The following SUSD2 variants were observed in gnomAD, a reference collection of about 807,000 sequenced individuals.
SUSD2 encodes the protein sushi domain-containing protein 2.
Under a neutral mutation model 93.8 loss-of-function variants are expected in SUSD2, and 86 were observed. The observed-to-expected ratio is 0.92, with a 90% CI of 0.77 to 1.10. The LOEUF (loss-of-function observed/expected upper bound fraction) is 1.10. Among genes scored for constraint, SUSD2 ranks in the 50% least tolerant of loss-of-function variants. The probability of loss-of-function intolerance (pLI) is 0.00; values close to 1 mark genes in which losing one functional copy is unlikely to be tolerated. For synonymous variants in SUSD2, 483 were observed against 485.0 expected, an observed-to-expected ratio of 1.00 and a Z score of 0.05; for missense variants, 1,060 against 1,137.0, an observed-to-expected ratio of 0.93 and a Z score of 0.97.
In SUSD2 at chr22:24,183,557, C is replaced by T; in HGVS notation, c.350C>T (p.Ser117Leu). The T allele has an allele frequency of 6.2e-7, 1 of 1,613,490 alleles. No individual in the cohort carries two copies. The highest frequency in any genetic ancestry group is 1.1e-5 in the South Asian group (1 of 91,090). The change falls in exon 3 of 15, where the codon TCA (serine) becomes TTA (leucine). Residue 117 changes from serine to leucine, a missense_variant. By Grantham distance (145) the Ser-to-Leu change is moderately radical. Around this residue, in one of 2 missense-constraint regions of SUSD2, gnomAD observed 973 missense variants for 1,005.3 expected, o/e 0.97. Transcript: ENST00000358321. ...TCCTCCGGGCAAGTGCACTGTGTGT[C>T]ACCTCTGCTCTATGAGAGCGGCCGC... ...VDSSGQVHCV[S>L]PLLYESGRIP...
Position 24,188,658 on chromosome 22 carries a change from C to T in SUSD2, c.*222C>T, listed in dbSNP as rs979941400. 7 of 557,120 alleles carry T rather than the reference C, an allele frequency of 1.3e-5. No individual in the cohort carries two copies. In the Admixed American group the frequency reaches 1.6e-4, roughly 12 times the overall value. The allele number at this position is 557,120 out of a possible 1,614,324, so 34.5% of individuals were successfully genotyped here. ...CTCCGTGCTCTTCCCCAAATACTCACGGCTCTAATTCCCCAAACCTGAAAC... is the reference window on the plus strand; with the variant it reads ...CTCCGTGCTCTTCCCCAAATACTCATGGCTCTAATTCCCCAAACCTGAAAC... On this transcript the variant is annotated 3_prime_UTR_variant, in exon 15 of 15. Transcript: ENST00000358321. The surrounding 1 kb of genome is among the most constrained non-coding windows in gnomAD (Gnocchi z 4.7).
Position 24,189,041 on chromosome 22 carries a change from C to T in SUSD2, c.*605C>T, listed in dbSNP as rs1349492214. The T allele has an allele frequency of 6.6e-6, 1 of 152,374 alleles. No individual in the cohort carries two copies. The highest frequency in any genetic ancestry group is 1.5e-5 in the Non-Finnish European group (1 of 68,188). The allele number at this position is 152,374 out of a possible 1,614,324, so 9.4% of individuals were successfully genotyped here. On this transcript the variant is annotated 3_prime_UTR_variant, in exon 15 of 15. Coordinates refer to ENST00000358321, the MANE Select transcript of SUSD2 (RefSeq NM_019601.4). ...TCCAGGCTTATAATTTCGAACTCTT[C>T]TGGAAGGTCACTCAGGAACACCCTC...
rs2047349824 is a variant in SUSD2, at chr22:24,184,831, C to T, written c.673C>T (p.Pro225Ser). Residue 225 changes from proline to serine, a missense_variant, in exon 5 of 15, where the codon CCC (proline) becomes TCC (serine). By Grantham distance (74) the Pro-to-Ser change is moderately conservative (BLOSUM62 -1). Transcript: ENST00000358321. ...SYLYPLATHI[P>S]NSGSFTFTPK... ...CCTGTACCCCCTGGCCACACACATCCCCAACTCCGGCTCTTTCACTTTCAC... is the reference window on the plus strand; with the variant it reads ...CCTGTACCCCCTGGCCACACACATCTCCAACTCCGGCTCTTTCACTTTCAC... The T allele has an allele frequency of 1.9e-6, 3 of 1,613,952 alleles. No individual in the cohort carries two copies. The African/African-American group carries it at 4.0e-5, about 22-fold the overall frequency.
rs1229175950 is a variant in SUSD2 at position 24,187,732 on chromosome 22, G to T, written c.2053G>T (p.Asp685Tyr). 8 of 1,614,048 alleles carry T rather than the reference G, an allele frequency of 5.0e-6. No individual in the cohort carries two copies. Among genetic ancestry groups the T allele is most frequent in the South Asian group, 1.1e-5 (1 of 91,086 alleles). Residue 685 changes from aspartate to tyrosine, a missense_variant, in exon 12 of 15, where the codon GAC becomes TAC. Asp to Tyr is a radical substitution (Grantham distance 160). Coordinates refer to ENST00000358321, the MANE Select transcript of SUSD2 (RefSeq NM_019601.4). ...ACAAGAGGCAGCCAAACTATGTGGG[G>T]ACGATCATTTCTGCAACTTTGATGT... ...LAQEAAKLCG[D>Y]DHFCNFDVAA... is the part of the protein sequence containing the mutation.
chr22:24,184,118 C>T lies in SUSD2; in HGVS notation c.440-18C>T, dbSNP rs368867404. The T allele has an allele frequency of 1.2e-5, 20 of 1,611,190 alleles. No individual in the cohort carries two copies. Among genetic ancestry groups the T allele is most frequent in the Middle Eastern group, 2.2e-4 (1 of 4,566 alleles). On this transcript the variant is annotated intron_variant, in intron 3 of 14. Transcript: ENST00000358321. ...CCTGGGCCCAGGCCCTCACTCACCCCTCACCTCCCCTGCCCAGTGCACCCC... is the reference window on the plus strand; with the variant it reads ...CCTGGGCCCAGGCCCTCACTCACCCTTCACCTCCCCTGCCCAGTGCACCCC...
intron 10 of SUSD2, 159 bp downstream of exon 10, chr22:24,186,574 C>T (rs34516619): frequency 0.011 from 9,288 of 826,912 alleles, 87 homozygotes; most frequent in Non-Finnish European, 0.012. Context: ...GAGGTGCCCC[C>T]GTCGTACCCA....
intron 2 of SUSD2, 63 bp from the exon 3 acceptor site, chr22:24,183,432 C>A: frequency 3.2e-6 from 5 of 1,573,714 alleles, no homozygotes; most frequent in Non-Finnish European, 4.3e-6. Flanking sequence ...GGTTGGGGGC[C>A]CAGACCATCG....
In SUSD2 at chr22:24,183,545, T is replaced by A; in HGVS notation, c.338T>A (p.Val113Glu). ...TLGHVDSSGQ[V>E]HCVSPLLYES... is the part of the protein sequence containing the mutation. ...GGCCATGTGGACTCCTCCGGGCAAG[T>A]GCACTGTGTGTCACCTCTGCTCTAT... is the stretch of plus-strand genomic sequence containing the variant. Residue 113 changes from valine to glutamate, a missense_variant, in exon 3 of 15, where the codon GTG becomes GAG. This residue lies in a region of SUSD2 where 973 missense variants were observed against 1,005.3 expected (regional missense o/e 0.97). Coordinates refer to ENST00000358321, the MANE Select transcript of SUSD2 (RefSeq NM_019601.4). The A allele has an allele frequency of 6.2e-7, 1 of 1,613,436 alleles. No homozygotes were observed. The highest frequency in any genetic ancestry group is 8.5e-7 in the Non-Finnish European group (1 of 1,179,998).
chr22:24,184,232 G>A lies in SUSD2; in HGVS notation c.536G>A (p.Ser179Asn), dbSNP rs775851562. The A allele has an allele frequency of 4.9e-5, 79 of 1,613,646 alleles. No homozygotes were observed. The East Asian group carries it at 1.7e-3, about 35-fold the overall frequency. ...YGTANTSGNL[S>N]LTWHVKSLPT... The stretch of plus-strand genomic sequence containing the variant: ...ACCGCCAACACCTCAGGCAACCTCA[G>A]CCTGACCTGGCATGTCAAGTCGCTG... Residue 179 changes from serine to asparagine, a missense_variant, in exon 4 of 15, where the codon AGC becomes AAC. By Grantham distance (46) the Ser-to-Asn change is conservative (BLOSUM62 1). Around this residue, in one of 2 missense-constraint regions of SUSD2, gnomAD observed 973 missense variants for 1,005.3 expected, o/e 0.97. Coordinates refer to ENST00000358321, the MANE Select transcript of SUSD2 (RefSeq NM_019601.4).
Position 24,185,466 on chromosome 22 carries a change from A to C in SUSD2, c.985-20A>C. 6.4e-7 allele frequency: 1 copy of C among 1,554,168 alleles called. No individual in the cohort carries two copies. The highest frequency in any genetic ancestry group is 2.4e-5 in the East Asian group (1 of 41,240). ...ACAGAACCCGAGGCCACTGGGTGAC[A>C]GCCACCTGCTGCTCTGCAGACGGAC... On this transcript the variant is annotated intron_variant, in intron 6 of 14. Coordinates refer to ENST00000358321, the MANE Select transcript of SUSD2 (RefSeq NM_019601.4).
Position 24,188,141 on chromosome 22 carries a change from G to A in SUSD2, c.2341+6G>A, listed in dbSNP as rs2047383191. The A allele has an allele frequency of 1.9e-6, 3 of 1,611,450 alleles. No homozygotes were observed. On this transcript the variant is annotated splice_donor_region_variant and intron_variant, in intron 13 of 14. Transcript: ENST00000358321. The surrounding 1 kb of genome is among the most constrained non-coding windows in gnomAD (Gnocchi z 4.7). Reference sequence around the variant, plus strand: ...CACCCCGAAGTGCCAGCCAGGTGAGGACACTCTGCTCATACACCTGCCTGC... The same window carrying A: ...CACCCCGAAGTGCCAGCCAGGTGAGAACACTCTGCTCATACACCTGCCTGC...
In SUSD2 at chr22:24,186,293, C is replaced by T. The variant is rs1556019211; in HGVS notation, c.1520C>T (p.Ala507Val). 1 of 1,613,802 alleles carries T rather than the reference C, an allele frequency of 6.2e-7. No individual in the cohort carries two copies. Residue 507 changes from alanine (A) to valine (V), a missense_variant, in exon 10 of 15, where the codon GCC (alanine) becomes GTC (valine). By Grantham distance (64) the Ala-to-Val change is moderately conservative. Coordinates refer to ENST00000358321, the MANE Select transcript of SUSD2 (RefSeq NM_019601.4). The stretch of plus-strand genomic sequence containing the variant: ...CGTGGCACTGGGCTGACCGCAGTGG[C>T]CGTCCAGGAGGGCAACTCAGATGTG... ...ETRGTGLTAVAVQEGNSDVVE... is the reference protein window; with the variant it reads ...ETRGTGLTAVVVQEGNSDVVE...
At position 24,187,993 on chromosome 22, in the gene SUSD2, C is replaced by G. The variant is rs200013723; in HGVS notation, c.2199C>G (p.Asn733Lys). Residue 733 changes from asparagine (N) to lysine (K), a missense_variant, in exon 13 of 15, where the codon AAC becomes AAG. Asn to Lys is a moderately conservative substitution (Grantham distance 94, BLOSUM62 0). This residue lies in a region of SUSD2 where 973 missense variants were observed against 1,005.3 expected (regional missense o/e 0.97). Coordinates refer to ENST00000358321, the MANE Select transcript of SUSD2 (RefSeq NM_019601.4). ...VSCGWLAPPP[N>K]GQKEGNRYLA... ...GTGGCTGGCTGGCCCCACCTCCCAA[C>G]GGACAAAAGGAGGGCAACAGGTACC... The G allele has an allele frequency of 6.8e-6, 11 of 1,612,808 alleles. No individual in the cohort carries two copies. In the Admixed American group the frequency reaches 1.2e-4, roughly 17 times the overall value.
rs539823392 is a variant in SUSD2, at chr22:24,186,473, A to G, written c.1642+58A>G. 1.9e-6 allele frequency: 3 copies of G among 1,575,534 alleles called. No homozygotes were observed. The East Asian group carries it at 6.8e-5, about 36-fold the overall frequency. ...GCCCTCACCTCCTCCCCATTCCTGC[A>G]GGGAGACTGAGGGGAAGCCCTGGGC... On this transcript the variant is annotated intron_variant, in intron 10 of 14. Transcript: ENST00000358321.
At position 24,185,543 on chromosome 22, in the gene SUSD2, G is replaced by A. The variant is rs142506542; in HGVS notation, c.1042G>A (p.Val348Met). 4.6e-4 allele frequency: 723 copies of A among 1,586,026 alleles called. 3 individuals are homozygous for A. The South Asian group carries it at 5.1e-3, about 11-fold the overall frequency. Residue 348 changes from valine to methionine, a missense_variant, in exon 7 of 15, where the codon GTG becomes ATG. By Grantham distance (21) the Val-to-Met change is conservative. Transcript: ENST00000358321. ...CGTGTGCACCTACCACCCCGGGGCC[G>A]TGCACTGTGTGCGTTCTGTGCAGGC... ...GSVCTYHPGA[V>M]HCVRSVQASL...
In SUSD2 at chr22:24,188,093, G is replaced by A; in HGVS notation, c.2299G>A (p.Ala767Thr). 3 of 1,612,976 alleles carry A rather than the reference G, an allele frequency of 1.9e-6. No individual in the cohort carries two copies. The African/African-American group carries it at 4.0e-5, about 22-fold the overall frequency. Residue 767 changes from alanine (A) to threonine (T), a missense_variant, in exon 13 of 15, where the codon GCT becomes ACT. This residue lies in a region of SUSD2 where 973 missense variants were observed against 1,005.3 expected (regional missense o/e 0.97). Coordinates refer to ENST00000358321, the MANE Select transcript of SUSD2 (RefSeq NM_019601.4). This position sits in a 1 kb window ranked among gnomAD's most constrained non-coding sequence, Gnocchi z 4.7. ...CGGGGCAGAGACCAGCACCTGCCAG[G>A]CTGACGGCACCTGGTCCTCACCCAC... ...LAGAETSTCQ[A>T]DGTWSSPTPK...
rs201672710 is a variant in SUSD2 at position 24,187,561 on chromosome 22, T to A, written c.1892-10T>A. ...CATGCCCAGCCAGGCCCCGGTCATG[T>A]ATCTTCCAGGGACCGTGCACAATGC... On this transcript the variant is annotated splice_polypyrimidine_tract_variant and intron_variant, in intron 11 of 14. Coordinates refer to ENST00000358321, the MANE Select transcript of SUSD2 (RefSeq NM_019601.4). The A allele has an allele frequency of 6.2e-7, 1 of 1,605,706 alleles. No homozygotes were observed. Among genetic ancestry groups the A allele is most frequent in the East Asian group, 2.2e-5 (1 of 44,688 alleles).
chr22:24,185,113 A>G lies in SUSD2; in HGVS notation c.802A>G (p.Thr268Ala). The part of the protein sequence containing the change: ...AGQKDVQALW[T>A]NDHALAWHLS... ...CCACAGGGACGTGCAGGCGCTCTGG[A>G]CCAACGACCACGCACTGGCCTGGCA... The change falls in exon 6 of 15, where the codon ACC becomes GCC. Residue 268 changes from threonine (T) to alanine (A), a missense_variant. This residue lies in a region of SUSD2 where 973 missense variants were observed against 1,005.3 expected (regional missense o/e 0.97). Coordinates refer to ENST00000358321, the MANE Select transcript of SUSD2 (RefSeq NM_019601.4). 1 of 1,612,922 alleles carries G rather than the reference A, an allele frequency of 6.2e-7. No homozygotes were observed. Among genetic ancestry groups the G allele is most frequent in the Non-Finnish European group, 8.5e-7 (1 of 1,179,844 alleles).
chr22:24,184,193 G>A lies in SUSD2; in HGVS notation c.497G>A (p.Trp166Ter), dbSNP rs1312566682. ...AGCGAGTTGGTGAACGAGACGCGTT[G>A]GCAATACTACGGCACCGCCAACACC... ...EKSELVNETR[W>*]QYYGTANTSG... The change falls in exon 4 of 15, where the codon TGG (tryptophan) becomes TAG (stop). Residue 166 changes from tryptophan (W) to a stop codon, truncating the protein, a stop_gained. Coordinates refer to ENST00000358321, the MANE Select transcript of SUSD2 (RefSeq NM_019601.4). LOFTEE classifies it high-confidence loss of function. 1.9e-6 allele frequency: 3 copies of A among 1,613,418 alleles called. No homozygotes were observed. In the Admixed American group the frequency reaches 5.0e-5, roughly 27 times the overall value.
Sources: gnomAD v4.1 joint callset for allele counts on GRCh38, gnomAD v4.1.1 for gene constraint, gnomAD v4.1.1 regional missense constraint, Gnocchi (gnomAD v3.1) non-coding constraint, MANE v1.5 for transcripts, NCBI Gene and HGNC (gene_info 2026-07-23, HGNC 2026-07-21) for gene names.